The following AKAP7 variants were observed in gnomAD, a reference collection of about 807,000 sequenced individuals.
The protein encoded by AKAP7 is A-kinase anchoring protein 7.
In AKAP7, 39 loss-of-function variants were observed where a neutral mutation model predicts 39.5. The ratio of observed to expected loss-of-function variants is 0.99; its 90% CI spans 0.76 to 1.29. AKAP7 has a LOEUF of 1.29. Among genes scored for constraint, AKAP7 ranks in the 50% most tolerant of loss-of-function variants. AKAP7 has a pLI of 0.00. For synonymous variants in AKAP7, 140 were observed against 139.1 expected, an observed-to-expected ratio of 1.01 and a Z score of -0.05; for missense variants, 414 against 407.7, an observed-to-expected ratio of 1.02 and a Z score of -0.13.
chr6:131,237,167 G>A (rs184942355), intron 7 of AKAP7, among the ~76,000 whole-genome samples: 25 of 152,280 alleles, frequency 1.6e-4, no homozygotes, highest in African/African-American at 5.8e-4. Flanking sequence ...AGATAATCAT[G>A]TGGTTTTTGT....
chr6:131,251,246 T>G (rs1347519284), intron 7 of AKAP7, among the ~76,000 whole-genome samples: 2 of 152,238 alleles, frequency 1.3e-5, no homozygotes, highest in Non-Finnish European at 2.9e-5. Flanking sequence ...TGGTGACATT[T>G]GCACTGAATT....
intron 7 of AKAP7, chr6:131,250,466 T>G: frequency 6.3e-7 from 1 of 1,583,290 alleles, no homozygotes; most frequent in East Asian, 2.3e-5. Context: ...CTCCGTGGAG[T>G]GAAAAAGGCA....
chr6:131,266,846 A>G (rs1214851745), intron 7 of AKAP7, among the ~76,000 whole-genome samples: 2 of 152,114 alleles, frequency 1.3e-5, no homozygotes, highest in African/African-American at 4.8e-5. Context: ...ATCACACTCT[A>G]TTTGACCCAT....
intron 7 of AKAP7, among the ~76,000 whole-genome samples, chr6:131,262,616 A>T (rs1223276989): frequency 2.0e-5 from 3 of 150,652 alleles, no homozygotes; most frequent in South Asian, 2.1e-4. Flanking sequence ...AATTTTTAAA[A>T]AAATATATAT....
chr6:131,169,296 T>A (rs1803803092), intron 5 of AKAP7, 23 bp downstream of exon 5: 2 of 1,609,656 alleles, frequency 1.2e-6, no homozygotes, highest in Admixed American at 1.7e-5. Flanking sequence ...CACACTCATA[T>A]GAAATCTTGT....
intron 7 of AKAP7, among the ~76,000 whole-genome samples, chr6:131,279,755 C>G (rs1339724375): frequency 6.6e-6 from 1 of 152,082 alleles, no homozygotes; most frequent in Admixed American, 6.5e-5. Flanking sequence ...AGGAACAGCC[C>G]CCAGGGTGCA....
intron 7 of AKAP7, among the ~76,000 whole-genome samples, chr6:131,223,387 C>T (rs1809873815): frequency 1.3e-5 from 2 of 152,188 alleles, no homozygotes; most frequent in Admixed American, 6.5e-5. Flanking sequence ...GTTCAAGAGA[C>T]ACAATTTTAC....
intron 5 of AKAP7, among the ~76,000 whole-genome samples, chr6:131,174,006 T>C (rs1345794865): frequency 1.3e-5 from 2 of 152,224 alleles, no homozygotes; most frequent in East Asian, 3.8e-4. Context: ...CCGAAGATGT[T>C]GGTTTGTTGT....
chr6:131,138,990 G>C (rs939942471), intron 1 of AKAP7, among the ~76,000 whole-genome samples: 1 of 152,222 alleles, frequency 6.6e-6, no homozygotes, highest in African/African-American at 2.4e-5. Context: ...AGAACAAATT[G>C]TAGGAGACTT....
intron 6 of AKAP7, among the ~76,000 whole-genome samples, chr6:131,205,080 GATTATTACAGGAAAT>G (rs1325782704): frequency 1.3e-5 from 2 of 152,094 alleles, no homozygotes; most frequent in Non-Finnish European, 2.9e-5. Flanking sequence ...GAATGCTCTG[GATTATTACAGGAAAT>G]ATTATAGGAA....
Position 131,135,775 on chromosome 6 carries a change from C to A in AKAP7, c.12C>A (p.Pro4=), listed in dbSNP as rs1285571028. The A allele has an allele frequency of 2.5e-5, 31 of 1,230,274 alleles. No homozygotes were observed. The highest frequency in any genetic ancestry group is 3.1e-5 in the Non-Finnish European group (31 of 988,038). The allele number at this position is 1,230,274 out of a possible 1,614,324, so 76.2% of individuals were successfully genotyped here. ...CATGCGCCGCGACCATGGAGCGCCCCGAAGCGGGTGAGACCGGGCTGTCCA... is the reference window on the plus strand; with the variant it reads ...CATGCGCCGCGACCATGGAGCGCCCAGAAGCGGGTGAGACCGGGCTGTCCA... MER[P]EAGGINSNEC... The change falls in exon 1 of 8, where the codon CCC becomes CCA. Residue 4 remains proline (P), a synonymous_variant. Transcript: ENST00000431975.
intron 7 of AKAP7, among the ~76,000 whole-genome samples, chr6:131,271,241 G>T (rs985036774): frequency 4.0e-5 from 6 of 151,816 alleles, no homozygotes; most frequent in African/African-American, 1.5e-4. Flanking sequence ...TTTTATATTG[G>T]TGTAAGAGTT....
chr6:131,227,544 C>T (rs552853000), intron 7 of AKAP7, among the ~76,000 whole-genome samples: 3 of 152,240 alleles, frequency 2.0e-5, no homozygotes, highest in East Asian at 1.9e-4. Context: ...AACACAGGAC[C>T]GAGTCCTAAA....
chr6:131,212,387 T>A (rs1485086800), intron 6 of AKAP7, among the ~76,000 whole-genome samples: 1 of 152,242 alleles, frequency 6.6e-6, no homozygotes, highest in African/African-American at 2.4e-5. Flanking sequence ...TACACATGAT[T>A]CTTGGGTCAT....
At chr6:131,173,918 G>T (rs887115284) in intron 5 of AKAP7, among the ~76,000 whole-genome samples, 2 of 152,088 alleles carry the variant, frequency 1.3e-5, no homozygotes, top group Non-Finnish European at 1.5e-5. Context: ...TCTCACAAAG[G>T]CATTTTCCAA....
At chr6:131,144,747 G>A (rs998292992) in intron 1 of AKAP7, among the ~76,000 whole-genome samples, 6 of 152,122 alleles carry the variant, frequency 3.9e-5, no homozygotes, top group African/African-American at 1.4e-4. Context: ...AAGATCATTT[G>A]CTTTTTAATA....
intron 2 of AKAP7, among the ~76,000 whole-genome samples, chr6:131,146,656 C>T (rs750350193): frequency 2.6e-5 from 4 of 152,172 alleles, no homozygotes; most frequent in Admixed American, 6.5e-5. Flanking sequence ...TGCAACCTTA[C>T]GTAAAGCCTT....
At position 131,199,461 on chromosome 6, in the gene AKAP7, A is replaced by G. The variant is rs781501081; in HGVS notation, c.590A>G (p.Glu197Gly). Residue 197 changes from glutamate to glycine, a missense_variant and splice_region_variant, in exon 6 of 8, where the codon GAG becomes GGG. Transcript: ENST00000431975. ...CTTTGTTTCTCTTTATTTTCTTCAG[A>G]GACTGCAAATAGGACATTTCAAGAA... is the stretch of plus-strand genomic sequence containing the variant. ...DHVNSLLEIAETANRTFQEKG... is the reference protein window; with the variant it reads ...DHVNSLLEIAGTANRTFQEKG... The G allele has an allele frequency of 1.9e-6, 3 of 1,571,082 alleles. No homozygotes were observed. The highest frequency in any genetic ancestry group is 2.6e-6 in the Non-Finnish European group (3 of 1,146,552).
Position 131,268,549 on chromosome 6 carries a change from T to TTGTCCTTACTGGTGTCC in AKAP7, c.851-12979_851-12978insTCCTTACTGGTGTCCTG, listed in dbSNP as rs1814005887. On this transcript the variant is annotated intron_variant, in intron 7 of 7. Coordinates refer to ENST00000431975, the MANE Select transcript of AKAP7 (RefSeq NM_016377.4). ...TCTCAGCCTGCGAAGCCCTCTGAGTTTGGTGTGTCCTTACTGCTTATAAAA... is the reference window on the plus strand; with the variant it reads ...TCTCAGCCTGCGAAGCCCTCTGAGTTTGTCCTTACTGGTGTCCTGGTGTGTCCTTACTGCTTATAAAA... 2.6e-5 allele frequency among the ~76,000 whole-genome samples: 4 copies of TTGTCCTTACTGGTGTCC among 152,306 alleles called. No homozygotes were observed. The South Asian group carries it at 8.3e-4, about 32-fold the overall frequency.
Sources: gnomAD v4.1 joint callset for allele counts (sites outside exome capture counted in the v4.1 genomes callset) on GRCh38, gnomAD v4.1.1 for gene constraint, MANE v1.5 for transcripts, NCBI Gene and HGNC (gene_info 2026-07-23, HGNC 2026-07-21) for gene names.